Variants in CDH6 observed in about 807,000 individuals in gnomAD.
CDH6 encodes the protein cadherin 6.
In CDH6, 31 loss-of-function variants were observed where a neutral mutation model predicts 78.0. The ratio of observed to expected loss-of-function variants is 0.40; its 90% CI spans 0.30 to 0.54. The LOEUF (loss-of-function observed/expected upper bound fraction) is 0.54. CDH6 is among the 20% of genes least tolerant of loss of function. CDH6 has a pLI of 0.56. For synonymous variants in CDH6, 376 were observed against 368.8 expected, an observed-to-expected ratio of 1.02 and a Z score of -0.23; for missense variants, 724 against 975.9, an observed-to-expected ratio of 0.74 and a Z score of 3.44.
At chr5:31,322,683 A>T in intron 11 of CDH6, 135 bp from the exon 12 acceptor site, 3 of 1,004,350 alleles carry the variant, frequency 3.0e-6, no homozygotes, top group Non-Finnish European at 4.3e-6. Flanking sequence ...GTGCATCCTT[A>T]AAGAAATAAA....
At chr5:31,270,582 C>T (rs1742500197) in intron 2 of CDH6, among the ~76,000 whole-genome samples, 1 of 152,180 alleles carries the variant, frequency 6.6e-6, no homozygotes, top group Non-Finnish European at 1.5e-5. Flanking sequence ...GAAAGGAATG[C>T]AGCACCACCT....
intron 1 of CDH6, among the ~76,000 whole-genome samples, chr5:31,248,794 A>T (rs1741828589): frequency 6.6e-6 from 1 of 152,196 alleles, no homozygotes; most frequent in Non-Finnish European, 1.5e-5. Flanking sequence ...GAGATCATGC[A>T]TTGTCTCTAG....
intron 7 of CDH6, 76 bp from the exon 8 acceptor site, chr5:31,313,242 T>C (rs1163552633): frequency 7.6e-7 from 1 of 1,323,782 alleles, no homozygotes; most frequent in African/African-American, 1.5e-5. Flanking sequence ...GTGTACCAGA[T>C]GTTTTATGAT....
At position 31,275,281 on chromosome 5, in the gene CDH6, T is replaced by C. The variant is rs73089371; in HGVS notation, c.228+7580T>C. ...GTGAAGCTGAGGTTTGGGGTATGGC[T>C]GATCCCATCACCCAGGTACTGAGCA... On this transcript the variant is annotated intron_variant, in intron 2 of 11. Transcript: ENST00000265071. 6.1e-3 allele frequency among the ~76,000 whole-genome samples: 923 copies of C among 152,298 alleles called. 12 individuals are homozygous for C. Among genetic ancestry groups the C allele is most frequent in the African/African-American group, 0.021 (870 of 41,556 alleles).
Position 31,317,411 on chromosome 5 carries a change from C to G in CDH6, c.1549C>G (p.Pro517Ala). 6.2e-7 allele frequency: 1 copy of G among 1,608,856 alleles called. No homozygotes were observed. The highest frequency in any genetic ancestry group is 8.5e-7 in the Non-Finnish European group (1 of 1,175,304). Reference protein sequence around the residue: ...QTLHAVDKDDPYSGHQFSFSL... With the variant: ...QTLHAVDKDDAYSGHQFSFSL... The stretch of plus-strand genomic sequence containing the variant: ...CCTGCATGCTGTTGACAAGGATGAC[C>G]CTTATAGTGGACACCAATTTTCGTT... Residue 517 changes from proline to alanine, a missense_variant, in exon 10 of 12, where the codon CCT becomes GCT. Transcript: ENST00000265071.
intron 7 of CDH6, among the ~76,000 whole-genome samples, chr5:31,311,964 T>A (rs2149957007): frequency 6.6e-6 from 1 of 152,348 alleles, no homozygotes. Flanking sequence ...TAGTCTTCCA[T>A]CAGTATTAGG....
At position 31,313,783 on chromosome 5, in the gene CDH6, CTCAG is replaced by C. The variant is rs1738222870; in HGVS notation, c.1390+334_1390+337del. ...CATAAACAGCTGAAAAAAACAGACT[CTCAG>C]TCAGACACTGTGTGTGGGGGCAAAA... On this transcript the variant is annotated intron_variant, in intron 8 of 11. Transcript: ENST00000265071. Among the ~76,000 whole-genome samples the C allele has an allele frequency of 5.4e-5, 7 of 130,692 alleles. No homozygotes were observed. The South Asian group carries it at 1.8e-3, about 33-fold the overall frequency. 85.7% of individuals were successfully genotyped at this position (130,692 alleles called of 152,430 possible). A position where few individuals can be genotyped will look rare whatever the true frequency, so the allele number is the denominator to read the frequency against.
At chr5:31,295,605 A>C (rs1346287212) in intron 3 of CDH6, among the ~76,000 whole-genome samples, 1 of 152,142 alleles carries the variant, frequency 6.6e-6, no homozygotes, top group Non-Finnish European at 1.5e-5. Flanking sequence ...TTGATATCTC[A>C]TTATTGTGAT....
chr5:31,222,541 A>G (rs971805691), intron 1 of CDH6, among the ~76,000 whole-genome samples: 2 of 152,166 alleles, frequency 1.3e-5, no homozygotes, highest in Non-Finnish European at 2.9e-5. Flanking sequence ...GATGATTCAG[A>G]TATCAGTGCA....
chr5:31,279,563 C>T (rs940443142), intron 2 of CDH6, among the ~76,000 whole-genome samples: 11 of 151,884 alleles, frequency 7.2e-5, no homozygotes, highest in Non-Finnish European at 1.2e-4. Flanking sequence ...AAGTGAGACC[C>T]TGCCTCAAAA....
chr5:31,298,145 T>G (rs1431677366), intron 4 of CDH6, among the ~76,000 whole-genome samples: 1 of 152,256 alleles, frequency 6.6e-6, no homozygotes, highest in African/African-American at 2.4e-5. Flanking sequence ...TTTCTGTATT[T>G]TCTCCACAAA....
intron 1 of CDH6, among the ~76,000 whole-genome samples, chr5:31,260,111 A>G (rs1351623096): frequency 6.6e-6 from 1 of 152,262 alleles, no homozygotes; most frequent in Non-Finnish European, 1.5e-5. Context: ...AGGATGGCCT[A>G]TATGTGTCGT....
intron 6 of CDH6, among the ~76,000 whole-genome samples, chr5:31,302,869 AGG>A (rs1737836836): frequency 2.0e-5 from 3 of 147,676 alleles, no homozygotes; most frequent in African/African-American, 7.5e-5. Flanking sequence ...AAAGGAAGAA[AGG>A]AGGGAAGGAA....
chr5:31,317,501 G>A lies in CDH6; in HGVS notation c.1630+9G>A, dbSNP rs1197890015. 6.4e-7 allele frequency: 1 copy of A among 1,573,862 alleles called. No individual in the cohort carries two copies. The highest frequency in any genetic ancestry group is 1.4e-5 in the African/African-American group (1 of 73,898). On this transcript the variant is annotated intron_variant, in intron 10 of 11. Coordinates refer to ENST00000265071, the MANE Select transcript of CDH6 (RefSeq NM_004932.4). ...CATTCAAGACAACAAAGGTAAATGA[G>A]TTCAAGTTACCTTCTCTATCTATCT...
intron 2 of CDH6, among the ~76,000 whole-genome samples, chr5:31,282,281 C>A (rs915900706): frequency 6.6e-6 from 1 of 152,116 alleles, no homozygotes; most frequent in Non-Finnish European, 1.5e-5. Flanking sequence ...GGGAAGGATC[C>A]ATTTCCCGTC....
chr5:31,253,708 T>C (rs899471160), intron 1 of CDH6, among the ~76,000 whole-genome samples: 3 of 152,174 alleles, frequency 2.0e-5, no homozygotes, highest in African/African-American at 7.2e-5. Flanking sequence ...AATAGCACTG[T>C]ATCATATTTA....
intron 2 of CDH6, among the ~76,000 whole-genome samples, chr5:31,271,923 T>C (rs1189415333): frequency 1.3e-5 from 2 of 152,216 alleles, no homozygotes; most frequent in Non-Finnish European, 2.9e-5. Context: ...CTGATTTAGT[T>C]GGTTTTTAAT....
chr5:31,302,954 A>AGAAAGAAAGAAAGAAAGAAAGAAG (rs1491181731), intron 6 of CDH6, among the ~76,000 whole-genome samples: 40 of 129,772 alleles, frequency 3.1e-4, no homozygotes, highest in African/African-American at 9.5e-4. Flanking sequence ...AAAGAAAGAA[A>AGAAAGAAAGAAAGAAAGAAAGAAG]GAAGGAAAGA....
At chr5:31,312,785 G>T (rs538913571) in intron 7 of CDH6, among the ~76,000 whole-genome samples, 2 of 152,152 alleles carry the variant, frequency 1.3e-5, no homozygotes, top group East Asian at 3.9e-4. Flanking sequence ...GCCTTCTTCT[G>T]CAGTCTAGAC....
Sources: gnomAD v4.1 joint callset for allele counts (sites outside exome capture counted in the v4.1 genomes callset) on GRCh38, gnomAD v4.1.1 for gene constraint, MANE v1.5 for transcripts, NCBI Gene and HGNC (gene_info 2026-07-23, HGNC 2026-07-21) for gene names.